The following PLEKHG4B variants were observed in gnomAD, a reference collection of about 807,000 sequenced individuals.
PLEKHG4B encodes pleckstrin homology and RhoGEF domain containing G4B, also known as pleckstrin homology domain-containing family G member 4B.
In PLEKHG4B, 111 loss-of-function variants were observed where a neutral mutation model predicts 121.3. That is an observed-to-expected ratio of 0.92 (90% CI 0.78 to 1.07). The LOEUF is 1.07. Ranked by LOEUF, PLEKHG4B falls within the 50% of genes least tolerant of loss-of-function variation. The pLI is 0.00. For missense variants in PLEKHG4B, 1,831 were observed against 1,757.8 expected (o/e 1.04, Z -0.74); for synonymous variants, 738 against 725.0 (o/e 1.02, Z -0.29).
intron 3 of PLEKHG4B, among the ~76,000 whole-genome samples, chr5:141,541 G>T (rs1418338403): frequency 2.0e-5 from 3 of 151,020 alleles, no homozygotes; most frequent in African/African-American, 7.3e-5. Context: ...TGGATTCGGG[G>T]CCCCTCTAAA....
rs1298048981 is a variant in PLEKHG4B, at chr5:162,856, G to A, written c.2784G>A (p.Leu928=). 7 of 1,517,552 alleles carry A rather than the reference G, an allele frequency of 4.6e-6. No homozygotes were observed. Among genetic ancestry groups the A allele is most frequent in the South Asian group, 1.3e-5 (1 of 76,520 alleles). The allele number at this position is 1,517,552 out of a possible 1,614,324, so 94.0% of individuals were successfully genotyped here. ...EAFPGAGVAV[L]KPHALGKPWA... ...TCCCCGGGGCAGGTGTGGCAGTGCT[G>A]AAGCCTCATGCCCTGGGGAAACCGT... Residue 928 remains leucine (L), a synonymous_variant, in exon 13 of 20, where the codon CTG becomes CTA. Transcript: ENST00000637938.
intron 2 of PLEKHG4B, among the ~76,000 whole-genome samples, chr5:127,375 T>TATTATA (rs1553984003): frequency 1.4e-5 from 2 of 148,114 alleles, no homozygotes; most frequent in Admixed American, 1.4e-4. Flanking sequence ...TTATTATTAT[T>TATTATA]ATTATAGGCT....
At chr5:158,110 G>A (rs1268643924) in intron 11 of PLEKHG4B, among the ~76,000 whole-genome samples, 5 of 152,130 alleles carry the variant, frequency 3.3e-5, no homozygotes, top group Admixed American at 1.3e-4. Context: ...CAGCCAGTCC[G>A]GGCTGTCTCC....
chr5:107,683 G>A (rs575055515), intron 1 of PLEKHG4B, among the ~76,000 whole-genome samples: 2 of 152,362 alleles, frequency 1.3e-5, no homozygotes, highest in South Asian at 2.1e-4. Context: ...GAGGACGGGG[G>A]TTGCCCTGGG....
At chr5:166,543 G>A (rs448791) in intron 13 of PLEKHG4B, among the ~76,000 whole-genome samples, 3 of 148,110 alleles carry the variant, frequency 2.0e-5, no homozygotes, top group African/African-American at 5.0e-5. Flanking sequence ...CTGACGGGGC[G>A]GGGCTCACAC....
intron 2 of PLEKHG4B, among the ~76,000 whole-genome samples, chr5:128,443 A>T (rs1318680003): frequency 1.3e-5 from 2 of 152,190 alleles, no homozygotes; most frequent in Non-Finnish European, 2.9e-5. Context: ...AGGCAAGATT[A>T]AAAAAATCAG....
chr5:140,648 TAGG>T lies in PLEKHG4B; in HGVS notation c.1414_1416del (p.Gly472del), dbSNP rs768160097. 9 of 1,608,164 alleles carry T rather than the reference TAGG, an allele frequency of 5.6e-6. No homozygotes were observed. The highest frequency in any genetic ancestry group is 6.8e-6 in the Non-Finnish European group (8 of 1,177,502). On this transcript the variant is annotated inframe_deletion, in exon 3 of 20. Coordinates refer to ENST00000637938, the MANE Select transcript of PLEKHG4B (RefSeq NM_052909.5). ...GCAGGCTCCAGGCCTGGGGGCCACC[TAGG>T]AGGACAAGCTGTGGGGACCCCAAAC... is the stretch of plus-strand genomic sequence containing the variant.
At chr5:120,333 C>CT (rs1338054617) in intron 2 of PLEKHG4B, among the ~76,000 whole-genome samples, 10 of 152,334 alleles carry the variant, frequency 6.6e-5, no homozygotes, top group African/African-American at 2.4e-4. Context: ...ATCTCATCGT[C>CT]TAACAGTCTT....
intron 8 of PLEKHG4B, 124 bp from the exon 9 acceptor site, chr5:155,221 C>T (rs1386772161): frequency 2.1e-6 from 2 of 947,590 alleles, no homozygotes; most frequent in African/African-American, 3.2e-5. Flanking sequence ...TCTCAGGGAT[C>T]TTCACATATG....
chr5:105,419 A>G (rs1178425189), intron 1 of PLEKHG4B, among the ~76,000 whole-genome samples: 2 of 152,274 alleles, frequency 1.3e-5, no homozygotes, highest in African/African-American at 2.4e-5. Flanking sequence ...GAAAGAAACC[A>G]TATTGATGAT....
At chr5:149,455 C>T (rs553635009) in intron 6 of PLEKHG4B, among the ~76,000 whole-genome samples, 34 of 151,878 alleles carry the variant, frequency 2.2e-4, no homozygotes, top group African/African-American at 8.0e-4. Context: ...GTGGGAGGAT[C>T]GCTTGAGCCC....
At chr5:175,048 C>G (rs917568971) in intron 18 of PLEKHG4B, among the ~76,000 whole-genome samples, 2 of 152,160 alleles carry the variant, frequency 1.3e-5, no homozygotes, top group African/African-American at 4.8e-5. Flanking sequence ...GCCCCGACAG[C>G]ACTCACACAC....
chr5:160,235 C>T (rs942220249), intron 11 of PLEKHG4B, among the ~76,000 whole-genome samples: 22 of 152,256 alleles, frequency 1.4e-4, no homozygotes, highest in South Asian at 6.2e-4. Context: ...CATGTTCACA[C>T]GGCTCCCACA....
chr5:177,017 T>C (rs1579331213), intron 18 of PLEKHG4B, among the ~76,000 whole-genome samples: 1 of 152,258 alleles, frequency 6.6e-6, no homozygotes, highest in African/African-American at 2.4e-5. Context: ...TTAAGGCCTC[T>C]TGACTTCTCC....
chr5:111,309 GCCCAGGCCCTGAGTGGCCCCAGTGGGA>G (rs1734150502), intron 1 of PLEKHG4B, among the ~76,000 whole-genome samples: 2 of 152,240 alleles, frequency 1.3e-5, no homozygotes, highest in African/African-American at 4.8e-5. Context: ...CTCTGGCCTG[GCCCAGGCCCTGAGTGGCCCCAGTGGGA>G]GTCATCCTGG....
rs186218468 is a variant in PLEKHG4B at position 149,885 on chromosome 5, A to G, written c.1906-1628A>G. 1.1e-3 allele frequency among the ~76,000 whole-genome samples: 172 copies of G among 152,358 alleles called. 1 individual carries two copies. Among genetic ancestry groups the G allele is most frequent in the Middle Eastern group, 3.4e-3 (1 of 294 alleles). ...AAAAACAACAAGTGTTGGCAAAGATACGGAGAAACTGGAACCCTTGTGCAC... is the reference window on the plus strand; with the variant it reads ...AAAAACAACAAGTGTTGGCAAAGATGCGGAGAAACTGGAACCCTTGTGCAC... On this transcript the variant is annotated intron_variant, in intron 6 of 19. Coordinates refer to ENST00000637938, the MANE Select transcript of PLEKHG4B (RefSeq NM_052909.5).
chr5:140,280 G>C lies in PLEKHG4B; in HGVS notation c.1041G>C (p.Gln347His), dbSNP rs1018671439. The change falls in exon 3 of 20, where the codon CAG becomes CAC. Residue 347 changes from glutamine (Q) to histidine (H), a missense_variant. By Grantham distance (24) the Gln-to-His change is conservative. Transcript: ENST00000637938. ...CGCCGGGGGACCCCACTTGTGTGCA[G>C]CCTAGACGCTGGTTCAGGGAGTCGT... ...RRPPGDPTCV[Q>H]PRRWFRESYM... 4 of 1,470,620 alleles carry C rather than the reference G, an allele frequency of 2.7e-6. No individual in the cohort carries two copies. The African/African-American group carries it at 5.7e-5, about 21-fold the overall frequency. The allele number at this position is 1,470,620 out of a possible 1,614,324, so 91.1% of individuals were successfully genotyped here. A position where few individuals can be genotyped will look rare whatever the true frequency, so the allele number is the denominator to read the frequency against.
chr5:147,453 A>G (rs909448181), intron 6 of PLEKHG4B, among the ~76,000 whole-genome samples: 4 of 152,256 alleles, frequency 2.6e-5, no homozygotes, highest in Admixed American at 6.5e-5. Context: ...AGAGCTGACC[A>G]GAGGTTACCT....
In PLEKHG4B at chr5:156,022, G is replaced by T; in HGVS notation, c.2209-49G>T. The T allele has an allele frequency of 6.8e-7, 1 of 1,479,114 alleles. No homozygotes were observed. The highest frequency in any genetic ancestry group is 9.1e-7 in the Non-Finnish European group (1 of 1,103,232). The allele number at this position is 1,479,114 out of a possible 1,614,324, so 91.6% of individuals were successfully genotyped here. A position where few individuals can be genotyped will look rare whatever the true frequency, so the allele number is the denominator to read the frequency against. Reference sequence around the variant, plus strand: ...GCCACTGTCACACTTGGGAGGACCTGCCCCTTGGAGGAGGGAGTTAAAGGC... The same window carrying T: ...GCCACTGTCACACTTGGGAGGACCTTCCCCTTGGAGGAGGGAGTTAAAGGC... On this transcript the variant is annotated intron_variant, in intron 9 of 19. Transcript: ENST00000637938. This position sits in a 1 kb window ranked among gnomAD's most constrained non-coding sequence, Gnocchi z 4.4.
Sources: gnomAD v4.1 joint callset for allele counts (sites outside exome capture counted in the v4.1 genomes callset) on GRCh38, gnomAD v4.1.1 for gene constraint, Gnocchi (gnomAD v3.1) non-coding constraint, MANE v1.5 for transcripts, NCBI Gene and HGNC (gene_info 2026-07-23, HGNC 2026-07-21) for gene names.